The following BPTF variants were observed in gnomAD, a reference collection of about 807,000 sequenced individuals.
BPTF encodes bromodomain PHD finger transcription factor, also known as nucleosome-remodeling factor subunit BPTF.
BPTF carries 18 observed loss-of-function variants against 292.5 expected under a neutral mutation model. That is an observed-to-expected ratio of 0.06 (90% CI 0.04 to 0.09). BPTF has a LOEUF of 0.09. Ranked by LOEUF, BPTF falls within the 10% of genes least tolerant of loss-of-function variation. The pLI is 1.00. For synonymous variants in BPTF, 1,225 were observed against 1,251.9 expected (o/e 0.98, Z 0.45); for missense variants, 2,726 against 3,498.7 (o/e 0.78, Z 5.57).
At chr17:67,888,640 C>T (rs887046579) in intron 4 of BPTF, among the ~76,000 whole-genome samples, 3 of 150,660 alleles carry the variant, frequency 2.0e-5, no homozygotes, top group Non-Finnish European at 3.0e-5. Flanking sequence ...CTCGAGGTGG[C>T]TTATCTTGAT....
At chr17:67,966,422 A>AT (rs5821446) in intron 25 of BPTF, 150 bp from the exon 26 acceptor site, 458,951 of 640,660 alleles carry the variant, frequency 0.72, 172,196 homozygotes, top group Non-Finnish European at 0.79. Flanking sequence ...TTAGGTAACT[A>AT]TTACTAGAGC....
chr17:67,934,003 C>T (rs928780019), intron 18 of BPTF, among the ~76,000 whole-genome samples: 1 of 151,764 alleles, frequency 6.6e-6, no homozygotes, highest in Non-Finnish European at 1.5e-5. Flanking sequence ...GAGACCCTGC[C>T]ATTGCACTCC....
intron 4 of BPTF, among the ~76,000 whole-genome samples, chr17:67,876,469 G>GT (rs2060056431): frequency 6.6e-6 from 1 of 152,206 alleles, no homozygotes; most frequent in African/African-American, 2.4e-5. Flanking sequence ...GCAATCAGCA[G>GT]TAAGTCCACC....
chr17:67,892,009 A>G lies in BPTF; in HGVS notation c.2030A>G (p.Asn677Ser). 1 of 1,603,168 alleles carries G rather than the reference A, an allele frequency of 6.2e-7. No individual in the cohort carries two copies. Among genetic ancestry groups the G allele is most frequent in the Non-Finnish European group, 8.5e-7 (1 of 1,175,382 alleles). Residue 677 changes from asparagine to serine, a missense_variant, in exon 5 of 28, where the codon AAT becomes AGT. Physicochemically the swap from Asn to Ser is conservative, Grantham distance 46. Coordinates refer to ENST00000306378, the MANE Select transcript of BPTF (RefSeq NM_182641.4). ...GTGGCAGCCGCTGCACATGAAGCAA[A>G]TAAATTATTTAAGGAGGGCAAAGAG... Reference protein sequence around the residue: ...QQVAAAAHEANKLFKEGKEVL... With the variant: ...QQVAAAAHEASKLFKEGKEVL...
chr17:67,939,392 T>C (rs1426652903), intron 18 of BPTF, among the ~76,000 whole-genome samples: 1 of 152,220 alleles, frequency 6.6e-6, no homozygotes, highest in African/African-American at 2.4e-5. Context: ...ATTCAGTAGT[T>C]AGTAATGAGT....
At chr17:67,931,794 G>A (rs1432636987) in intron 17 of BPTF, 117 bp from the exon 18 acceptor site, 1 of 667,064 alleles carries the variant, frequency 1.5e-6, no homozygotes, top group Non-Finnish European at 2.4e-6. Context: ...AAGAGCCCCT[G>A]TCATTCCTGT....
intron 6 of BPTF, 113 bp from the exon 7 acceptor site, chr17:67,893,921 G>A: frequency 2.2e-6 from 3 of 1,341,724 alleles, no homozygotes; most frequent in Non-Finnish European, 3.1e-6. Flanking sequence ...AGGATTTTTA[G>A]GAGTCATCGT....
rs1312224025 is a variant in BPTF, at chr17:67,983,171, A to G, written c.*883A>G. The G allele has an allele frequency of 1.3e-5, 2 of 152,586 alleles. No individual in the cohort carries two copies. Among genetic ancestry groups the G allele is most frequent in the Non-Finnish European group, 2.9e-5 (2 of 68,042 alleles). 9.5% of individuals were successfully genotyped at this position (152,586 alleles called of 1,614,324 possible). On this transcript the variant is annotated 3_prime_UTR_variant, in exon 28 of 28. Transcript: ENST00000306378. ...CTCCCACAGACAGAGGTGTCTTTGA[A>G]TGTGCGCTAATGATTATCTGTAAGC...
In BPTF at chr17:67,909,738, A is replaced by G. The variant is rs2062520419; in HGVS notation, c.2969A>G (p.Lys990Arg). ...GADQNEMDISKITEKKDQDVK... is the reference protein window; with the variant it reads ...GADQNEMDISRITEKKDQDVK... ...GACCAAAATGAAATGGATATCTCAA[A>G]GATTACTGAGAAGAAGGACCAAGGT... The change falls in exon 10 of 28, where the codon AAG (lysine) becomes AGG (arginine). Residue 990 changes from lysine (K) to arginine (R), a missense_variant. Around this residue, in one of 22 missense-constraint regions of BPTF, gnomAD observed 713 missense variants for 714.9 expected, o/e 1.00. Transcript: ENST00000306378. 2 of 1,575,846 alleles carry G rather than the reference A, an allele frequency of 1.3e-6. No individual in the cohort carries two copies. Among genetic ancestry groups the G allele is most frequent in the African/African-American group, 2.7e-5 (2 of 72,916 alleles).
chr17:67,854,899 T>A lies in BPTF; in HGVS notation c.1436+137T>A, dbSNP rs887214437. 4.6e-6 allele frequency: 3 copies of A among 654,956 alleles called. No homozygotes were observed. Among genetic ancestry groups the A allele is most frequent in the African/African-American group, 3.6e-5 (2 of 54,866 alleles). The allele number at this position is 654,956 out of a possible 1,614,324, so 40.6% of individuals were successfully genotyped here. A position where few individuals can be genotyped will look rare whatever the true frequency, so the allele number is the denominator to read the frequency against. On this transcript the variant is annotated intron_variant, in intron 2 of 27. Transcript: ENST00000306378. This position sits in a 1 kb window ranked among gnomAD's most constrained non-coding sequence, Gnocchi z 5.6. ...ATAGTTATACAGTTAAATAATTTCT[T>A]AATTGAAGGAATATGTGCATTAAAA...
At chr17:67,867,893 C>T (rs73350889) in intron 3 of BPTF, among the ~76,000 whole-genome samples, 3,188 of 152,194 alleles carry the variant, frequency 0.021, 115 homozygotes, top group African/African-American at 0.073. Context: ...CCCTCAAACC[C>T]CCAATACTGT....
At chr17:67,832,963 ATT>A (rs113039026) in intron 1 of BPTF, among the ~76,000 whole-genome samples, 19 of 124,788 alleles carry the variant, frequency 1.5e-4, no homozygotes, top group African/African-American at 2.5e-4. Context: ...AATTTTTTGT[ATT>A]TTTTTTTTTT....
At chr17:67,970,248 A>G (rs1203135259) in intron 26 of BPTF, among the ~76,000 whole-genome samples, 1 of 151,790 alleles carries the variant, frequency 6.6e-6, no homozygotes, top group Non-Finnish European at 1.5e-5. Flanking sequence ...AAAAAAAAAA[A>G]AAATTTAGCC....
intron 25 of BPTF, chr17:67,965,922 A>G (rs1173133320): frequency 6.6e-6 from 1 of 152,112 alleles, no homozygotes; most frequent in African/African-American, 2.4e-5. Context: ...TGAGCTGCAC[A>G]TGTTGGCACG....
chr17:67,921,237 A>T (rs1157278500), intron 13 of BPTF, among the ~76,000 whole-genome samples: 2 of 145,684 alleles, frequency 1.4e-5, no homozygotes, highest in Non-Finnish European at 3.0e-5. Flanking sequence ...AAAAAAAAAG[A>T]AATACAGGCC....
chr17:67,953,981 T>C (rs113608508), intron 23 of BPTF, among the ~76,000 whole-genome samples: 14 of 65,970 alleles, frequency 2.1e-4, no homozygotes, highest in South Asian at 5.3e-4. Flanking sequence ...TTTTTTTTTT[T>C]TTTTTTTTTT....
chr17:67,927,378 T>C (rs1196894866), intron 15 of BPTF, among the ~76,000 whole-genome samples: 3 of 152,242 alleles, frequency 2.0e-5, no homozygotes, highest in Middle Eastern at 3.2e-3. Context: ...ATAAAAGATA[T>C]ACAGAATATC....
At chr17:67,850,400 TCTCGCTC>T (rs1169132804) in intron 1 of BPTF, among the ~76,000 whole-genome samples, 3 of 152,126 alleles carry the variant, frequency 2.0e-5, no homozygotes, top group African/African-American at 7.2e-5. Flanking sequence ...TGAGACAGAG[TCTCGCTC>T]TGTTGCCTAG....
chr17:67,861,240 C>T (rs1458700507), intron 2 of BPTF, among the ~76,000 whole-genome samples: 1 of 152,108 alleles, frequency 6.6e-6, no homozygotes, highest in Admixed American at 6.6e-5. Flanking sequence ...CTCTCCATTC[C>T]CACTGTCCCT....
Sources: gnomAD v4.1 joint callset for allele counts (sites outside exome capture counted in the v4.1 genomes callset) on GRCh38, gnomAD v4.1.1 for gene constraint, gnomAD v4.1.1 regional missense constraint, Gnocchi (gnomAD v3.1) non-coding constraint, MANE v1.5 for transcripts, NCBI Gene and HGNC (gene_info 2026-07-23, HGNC 2026-07-21) for gene names.